Variants in GRID2 observed in about 807,000 individuals in gnomAD.
GRID2 encodes glutamate ionotropic receptor delta type subunit 2, also known as glutamate receptor ionotropic, delta-2.
A neutral mutation model predicts 114.8 loss-of-function variants in GRID2; 33 were observed. The observed-to-expected ratio is 0.29, with a 90% CI of 0.22 to 0.38. The LOEUF (loss-of-function observed/expected upper bound fraction) is 0.38, where lower values mean the gene tolerates loss of function less well. GRID2 is among the 10% of genes least tolerant of loss of function. The pLI, the probability that GRID2 is intolerant of heterozygous loss-of-function variation, is 1.00. For missense variants in GRID2, 1,184 were observed against 1,257.7 expected (o/e 0.94, Z 0.89); for synonymous variants, 505 against 449.9 (o/e 1.12, Z -1.55).
intron 13 of GRID2, among the ~76,000 whole-genome samples, chr4:93,556,818 C>T (rs1016259340): frequency 6.6e-6 from 1 of 151,644 alleles, no homozygotes; most frequent in East Asian, 1.9e-4. Context: ...GGTAGAAGGA[C>T]AAACTGTTAA....
chr4:93,274,141 T>G (rs1751802247), intron 8 of GRID2, among the ~76,000 whole-genome samples: 1 of 152,148 alleles, frequency 6.6e-6, no homozygotes, highest in Admixed American at 6.6e-5. Flanking sequence ...ACCTGAAAAC[T>G]GTTTCCTCAT....
chr4:93,393,157 C>G (rs2149326465), intron 8 of GRID2, among the ~76,000 whole-genome samples: 1 of 152,072 alleles, frequency 6.6e-6, no homozygotes, highest in East Asian at 1.9e-4. Context: ...ACATTCTTTA[C>G]TCCCAAATTC....
chr4:93,143,579 T>A (rs1735945247), intron 4 of GRID2, among the ~76,000 whole-genome samples: 1 of 152,212 alleles, frequency 6.6e-6, no homozygotes, highest in African/African-American at 2.4e-5. Flanking sequence ...AAATTTGGTA[T>A]AAGATTGATT....
At chr4:92,461,813 G>A (rs905523629) in intron 1 of GRID2, among the ~76,000 whole-genome samples, 3 of 151,824 alleles carry the variant, frequency 2.0e-5, no homozygotes, top group African/African-American at 7.3e-5. Flanking sequence ...CTTTTCCAAG[G>A]AGAGCATTTT....
At chr4:93,324,181 G>C (rs1757570100) in intron 8 of GRID2, among the ~76,000 whole-genome samples, 1 of 151,994 alleles carries the variant, frequency 6.6e-6, no homozygotes, top group Non-Finnish European at 1.5e-5. Flanking sequence ...ATTGTCTGTG[G>C]GTTTGTCATA....
intron 13 of GRID2, among the ~76,000 whole-genome samples, chr4:93,554,252 TC>T (rs1734079360): frequency 6.6e-6 from 1 of 152,160 alleles, no homozygotes; most frequent in Non-Finnish European, 1.5e-5. Context: ...CTGAGCCTCA[TC>T]CCTCTTTGTT....
At chr4:92,430,756 T>A (rs1377624672) in intron 1 of GRID2, among the ~76,000 whole-genome samples, 1 of 152,156 alleles carries the variant, frequency 6.6e-6, no homozygotes, top group Non-Finnish European at 1.5e-5. Flanking sequence ...TATCTCCGTT[T>A]TTTGTGTCTT....
intron 14 of GRID2, among the ~76,000 whole-genome samples, chr4:93,733,742 G>T (rs1301535255): frequency 6.6e-6 from 1 of 152,038 alleles, no homozygotes; most frequent in Non-Finnish European, 1.5e-5. Flanking sequence ...CTCAGTGTCA[G>T]ATTTCCAAAT....
intron 14 of GRID2, among the ~76,000 whole-genome samples, chr4:93,672,236 G>A (rs1235856741): frequency 1.3e-5 from 2 of 152,082 alleles, no homozygotes; most frequent in African/African-American, 2.4e-5. Flanking sequence ...CATTTTCTGG[G>A]CCAATGGATC....
chr4:93,326,922 A>G (rs1272372913), intron 8 of GRID2, among the ~76,000 whole-genome samples: 5 of 152,216 alleles, frequency 3.3e-5, no homozygotes, highest in African/African-American at 4.8e-5. Context: ...GATATACAGA[A>G]TGGGTTTCTA....
chr4:92,563,552 C>G (rs1316356128), intron 1 of GRID2, among the ~76,000 whole-genome samples: 1 of 152,024 alleles, frequency 6.6e-6, no homozygotes, highest in Non-Finnish European at 1.5e-5. Flanking sequence ...CCACACTCCT[C>G]CTGAATACAA....
intron 8 of GRID2, among the ~76,000 whole-genome samples, chr4:93,364,178 C>A (rs531976581): frequency 1.3e-5 from 2 of 152,094 alleles, no homozygotes; most frequent in African/African-American, 4.8e-5. Flanking sequence ...AATACTAAAG[C>A]TACGTTTTCA....
At chr4:93,023,151 CT>C (rs2149248483) in intron 2 of GRID2, among the ~76,000 whole-genome samples, 1 of 137,852 alleles carries the variant, frequency 7.3e-6, no homozygotes, top group African/African-American at 2.7e-5. Context: ...GTGTGTGTGT[CT>C]GTATTGGGCA....
intron 2 of GRID2, among the ~76,000 whole-genome samples, chr4:92,841,317 G>C (rs775018322): frequency 2.0e-4 from 31 of 151,950 alleles, no homozygotes; most frequent in Non-Finnish European, 2.2e-4. Context: ...TTTTCAACAA[G>C]TACCATACAT....
chr4:92,912,842 G>A (rs913836979), intron 2 of GRID2, among the ~76,000 whole-genome samples: 3 of 151,792 alleles, frequency 2.0e-5, no homozygotes, highest in Admixed American at 1.3e-4. Context: ...ACATTTACAC[G>A]TATGTTTACA....
At chr4:93,008,802 T>C (rs1578739446) in intron 2 of GRID2, among the ~76,000 whole-genome samples, 1 of 152,286 alleles carries the variant, frequency 6.6e-6, no homozygotes, top group East Asian at 1.9e-4. Flanking sequence ...ATAAAATTTC[T>C]CCTTCCAAAT....
chr4:93,324,899 T>C (rs1360979029), intron 8 of GRID2, among the ~76,000 whole-genome samples: 1 of 152,162 alleles, frequency 6.6e-6, no homozygotes, highest in Non-Finnish European at 1.5e-5. Flanking sequence ...TTATCGTTTT[T>C]TATTGTGTCT....
At chr4:92,490,666 T>C (rs1404848449) in intron 1 of GRID2, among the ~76,000 whole-genome samples, 1 of 152,180 alleles carries the variant, frequency 6.6e-6, no homozygotes, top group Non-Finnish European at 1.5e-5. Flanking sequence ...AAATGCTGAT[T>C]CTGAATTCCC....
intron 1 of GRID2, among the ~76,000 whole-genome samples, chr4:92,365,271 C>A: frequency 6.6e-6 from 1 of 151,988 alleles, no homozygotes; most frequent in South Asian, 2.1e-4. Context: ...AAATATGGTA[C>A]ATATACATAG....
Sources: gnomAD v4.1 joint callset for allele counts (sites outside exome capture counted in the v4.1 genomes callset) on GRCh38, gnomAD v4.1.1 for gene constraint, MANE v1.5 for transcripts, NCBI Gene and HGNC (gene_info 2026-07-23, HGNC 2026-07-21) for gene names.